AFF1: variants seen among roughly 807,000 people sequenced by gnomAD.
The protein encoded by AFF1 is AF4/FMR2 family member 1.
Under a neutral mutation model 121.7 loss-of-function variants are expected in AFF1, and 48 were observed. That is an observed-to-expected ratio of 0.39 (90% confidence interval 0.31 to 0.50). The LOEUF is 0.50. AFF1 is among the 20% of genes least tolerant of loss of function. The pLI is 0.76. For missense variants in AFF1, 1,523 were observed against 1,511.7 expected (o/e 1.01, Z -0.12); for synonymous variants, 613 against 563.0 (o/e 1.09, Z -1.26).
chr4:86,969,829 G>A (rs1310888705), intron 2 of AFF1, among the ~76,000 whole-genome samples: 2 of 127,912 alleles, frequency 1.6e-5, no homozygotes, highest in African/African-American at 5.8e-5. Context: ...GCAGTGAGCC[G>A]AGATAGCACC....
At chr4:86,945,433 T>C (rs1398548439) in intron 1 of AFF1, among the ~76,000 whole-genome samples, 2 of 144,912 alleles carry the variant, frequency 1.4e-5, no homozygotes, top group Non-Finnish European at 3.0e-5. Flanking sequence ...CAAGCTACCC[T>C]CTCACCTTAG....
intron 2 of AFF1, among the ~76,000 whole-genome samples, chr4:87,000,533 G>C (rs1725608519): frequency 6.6e-6 from 1 of 151,554 alleles, no homozygotes; most frequent in South Asian, 2.1e-4. Flanking sequence ...GCTGGGTGGG[G>C]GTATAATCCT....
chr4:87,100,397 T>C (rs1378740944), intron 8 of AFF1, among the ~76,000 whole-genome samples: 1 of 152,148 alleles, frequency 6.6e-6, no homozygotes, highest in Non-Finnish European at 1.5e-5. Context: ...TTGGCCTCCC[T>C]GCTCTTTTTG....
chr4:86,948,575 A>G lies in AFF1; in HGVS notation c.38+4A>G, dbSNP rs1480743648. 1.3e-6 allele frequency: 2 copies of G among 1,535,838 alleles called. No individual in the cohort carries two copies. Among genetic ancestry groups the G allele is most frequent in the African/African-American group, 1.4e-5 (1 of 73,038 alleles). On this transcript the variant is annotated splice_donor_region_variant and intron_variant, in intron 2 of 20. Transcript: ENST00000395146. The stretch of plus-strand genomic sequence containing the variant: ...GAGTCAACAGCAGTGGCAACAGGTA[A>G]GCATAGAATCTATGATTCAAAGACA...
chr4:87,137,343 T>C lies in AFF1; in HGVS notation c.*1642T>C. On this transcript the variant is annotated 3_prime_UTR_variant, in exon 21 of 21. Coordinates refer to ENST00000395146, the MANE Select transcript of AFF1 (RefSeq NM_001166693.3). ...TTATAATGAAGACATCTAAGATCCCTATGATGAATGCAGGAACTCTCTTGG... is the reference window on the plus strand; with the variant it reads ...TTATAATGAAGACATCTAAGATCCCCATGATGAATGCAGGAACTCTCTTGG... 4.4e-6 allele frequency: 1 copy of C among 228,378 alleles called. No homozygotes were observed. Among genetic ancestry groups the C allele is most frequent in the East Asian group, 6.3e-5 (1 of 15,884 alleles). 14.1% of individuals were successfully genotyped at this position (228,378 alleles called of 1,614,324 possible).
intron 2 of AFF1, among the ~76,000 whole-genome samples, chr4:87,017,940 T>TAAAA (rs11410710): frequency 1.3e-5 from 2 of 148,398 alleles, no homozygotes; most frequent in African/African-American, 4.9e-5. Flanking sequence ...TCGTTCTATT[T>TAAAA]AAAAAAAAAA....
intron 2 of AFF1, among the ~76,000 whole-genome samples, chr4:87,028,630 C>A (rs753892822): frequency 2.0e-5 from 3 of 152,098 alleles, no homozygotes; most frequent in Non-Finnish European, 1.5e-5. Flanking sequence ...GATTAAGGTA[C>A]GTTTTTCTTC....
Position 87,012,509 on chromosome 4 carries a change from A to G in AFF1, c.39-33657A>G, listed in dbSNP as rs76914594. On this transcript the variant is annotated intron_variant, in intron 2 of 20. Coordinates refer to ENST00000395146, the MANE Select transcript of AFF1 (RefSeq NM_001166693.3). ...CGTTTTATTGATATAGAGTGAGTAC[A>G]TAACTTTTACGGGTTAAATGATTAC... is the stretch of plus-strand genomic sequence containing the variant. Among the ~76,000 whole-genome samples the G allele has an allele frequency of 4.9e-3, 744 of 152,306 alleles. 30 individuals carry two copies. The East Asian group carries it at 0.073, about 15-fold the overall frequency.
At chr4:86,951,178 A>G (rs980970493) in intron 2 of AFF1, among the ~76,000 whole-genome samples, 1 of 152,198 alleles carries the variant, frequency 6.6e-6, no homozygotes, top group African/African-American at 2.4e-5. Flanking sequence ...GAAAGAATTG[A>G]ATAGCTTCGG....
intron 2 of AFF1, among the ~76,000 whole-genome samples, chr4:86,985,696 A>T (rs1724197432): frequency 6.6e-6 from 1 of 152,018 alleles, no homozygotes; most frequent in African/African-American, 2.4e-5. Context: ...ATAAACAAAA[A>T]TTAAAATGAT....
chr4:87,115,051 G>A lies in AFF1; in HGVS notation c.2218G>A (p.Asp740Asn). The A allele has an allele frequency of 6.2e-7, 1 of 1,614,180 alleles. No homozygotes were observed. The highest frequency in any genetic ancestry group is 8.5e-7 in the Non-Finnish European group (1 of 1,180,040). ...GCRQAVVVQE[D>N]SRKDRLPLPL... is the part of the protein sequence containing the mutation. ...CCGCCAAGCCGTGGTGGTCCAGGAG[G>A]ACAGCCGCAAAGACAGACTCCCATT... The change falls in exon 12 of 21, where the codon GAC becomes AAC. Residue 740 changes from aspartate (D) to asparagine (N), a missense_variant. Physicochemically the swap from Asp to Asn is conservative, Grantham distance 23 (BLOSUM62 1). Transcript: ENST00000395146.
At chr4:87,091,129 G>A (rs923325657) in intron 6 of AFF1, among the ~76,000 whole-genome samples, 5 of 151,936 alleles carry the variant, frequency 3.3e-5, no homozygotes, top group African/African-American at 1.2e-4. Flanking sequence ...CATGGACCGG[G>A]CATGGTGGCT....
intron 2 of AFF1, among the ~76,000 whole-genome samples, chr4:86,993,701 A>G (rs1724898472): frequency 6.6e-6 from 1 of 152,138 alleles, no homozygotes; most frequent in South Asian, 2.1e-4. Flanking sequence ...ATGGTGGCTC[A>G]TGCCTGTAAT....
At chr4:86,948,323 G>A (rs1721015045) in intron 1 of AFF1, among the ~76,000 whole-genome samples, 175 bp from the exon 2 acceptor site, 1 of 151,954 alleles carries the variant, frequency 6.6e-6, no homozygotes, top group African/African-American at 2.4e-5. Flanking sequence ...AAGTGCAATT[G>A]GCCTTTGATA....
At chr4:86,999,190 T>TA (rs766953068) in intron 2 of AFF1, among the ~76,000 whole-genome samples, 2 of 152,310 alleles carry the variant, frequency 1.3e-5, no homozygotes, top group South Asian at 2.1e-4. Flanking sequence ...TCTTCACAGT[T>TA]AAAAAACACA....
At position 87,014,089 on chromosome 4, in the gene AFF1, A is replaced by G. The variant is rs556491567; in HGVS notation, c.39-32077A>G. Among the ~76,000 whole-genome samples the G allele has an allele frequency of 2.6e-5, 4 of 152,304 alleles. No individual in the cohort carries two copies. In the South Asian group the frequency reaches 8.3e-4, roughly 32 times the overall value. On this transcript the variant is annotated intron_variant, in intron 2 of 20. Coordinates refer to ENST00000395146, the MANE Select transcript of AFF1 (RefSeq NM_001166693.3). Reference sequence around the variant, plus strand: ...CGTCCATAAAATTTATCCTTATATTACAAACTGTTGGTTGAAATATCCAAA... The same window carrying G: ...CGTCCATAAAATTTATCCTTATATTGCAAACTGTTGGTTGAAATATCCAAA...
chr4:86,946,969 A>T (rs1439071011), intron 1 of AFF1, among the ~76,000 whole-genome samples: 1 of 152,218 alleles, frequency 6.6e-6, no homozygotes, highest in Non-Finnish European at 1.5e-5. Flanking sequence ...ATGAAGAATA[A>T]TGCCAACAGG....
chr4:87,041,409 C>A (rs982301525), intron 2 of AFF1, among the ~76,000 whole-genome samples: 1 of 152,104 alleles, frequency 6.6e-6, no homozygotes, highest in African/African-American at 2.4e-5. Context: ...CCCTGGAGAT[C>A]CCTTGGAAAC....
At chr4:87,069,271 C>CTTTT (rs753186809) in intron 4 of AFF1, among the ~76,000 whole-genome samples, 1,129 of 80,510 alleles carry the variant, frequency 0.014, 93 homozygotes, top group African/African-American at 0.053. Flanking sequence ...TGTGTGGCCT[C>CTTTT]TTTTTTTTTT....
Sources: allele counts gnomAD v4.1 joint callset (sites outside exome capture counted in the v4.1 genomes callset), GRCh38; gene constraint gnomAD v4.1.1; transcripts MANE v1.5; gene names NCBI Gene and HGNC (gene_info 2026-07-23, HGNC 2026-07-21).